The following RBFOX1 variants were observed in gnomAD, a reference collection of about 807,000 sequenced individuals.
RBFOX1 encodes the protein RNA binding protein fox-1 homolog 1.
A neutral mutation model predicts 57.7 loss-of-function variants in RBFOX1; 8 were observed. That is an observed-to-expected ratio of 0.14 (90% CI 0.08 to 0.25). The LOEUF (loss-of-function observed/expected upper bound fraction) is 0.25, where lower values mean the gene tolerates loss of function less well. Among genes scored for constraint, RBFOX1 ranks in the 10% least tolerant of loss-of-function variants. The pLI, the probability that RBFOX1 is intolerant of heterozygous loss-of-function variation, is 1.00. For synonymous variants in RBFOX1, 326 were observed against 222.4 expected (o/e 1.47, Z -4.15); for missense variants, 611 against 548.5 (o/e 1.11, Z -1.14).
intron 4 of RBFOX1, among the ~76,000 whole-genome samples, chr16:6,012,553 T>C (rs1217965117): frequency 6.6e-6 from 1 of 152,224 alleles, no homozygotes; most frequent in African/African-American, 2.4e-5. Context: ...AAGGGTTATT[T>C]GGCTCAAAAT....
rs149172933 is a variant in RBFOX1 at position 7,324,622 on chromosome 16, C to T, written c.28-193525C>T. On this transcript the variant is annotated intron_variant, in intron 4 of 15. Transcript: ENST00000550418. ...AGATTTGCTCATTCAGCCAGTCAGT[C>T]TGGCTTTCAGAGGAGAATCAGGTCA... 1.7e-3 allele frequency among the ~76,000 whole-genome samples: 260 copies of T among 152,332 alleles called. 1 individual carries two copies. The highest frequency in any genetic ancestry group is 0.015 in the East Asian group (76 of 5,182).
chr16:6,226,920 C>T (rs1459415628), intron 1 of RBFOX1, among the ~76,000 whole-genome samples: 1 of 148,278 alleles, frequency 6.7e-6, no homozygotes, highest in South Asian at 2.1e-4. Context: ...ACCAGCCCGG[C>T]CAACATGATG....
chr16:6,496,929 C>T (rs2095787293), intron 2 of RBFOX1, among the ~76,000 whole-genome samples: 1 of 152,098 alleles, frequency 6.6e-6, no homozygotes, highest in South Asian at 2.1e-4. Context: ...CATTGCACTC[C>T]AGCCTGGGCA....
At chr16:5,780,741 T>C (rs7192968) in intron 3 of RBFOX1, among the ~76,000 whole-genome samples, 46,585 of 152,044 alleles carry the variant, frequency 0.31, 7,581 homozygotes, top group East Asian at 0.55. Context: ...GTCACTTGAG[T>C]ACAAGATGTA....
chr16:7,301,038 C>G (rs2096017671), intron 4 of RBFOX1, among the ~76,000 whole-genome samples: 1 of 89,670 alleles, frequency 1.1e-5, no homozygotes, highest in Non-Finnish European at 2.7e-5. Flanking sequence ...AGAATCATGC[C>G]AGAGCTAGTG....
intron 1 of RBFOX1, among the ~76,000 whole-genome samples, chr16:6,118,782 T>C (rs1327913015): frequency 2.0e-5 from 3 of 147,692 alleles, no homozygotes; most frequent in Non-Finnish European, 4.4e-5. Context: ...TCTTTCTCCC[T>C]CTCTTTCTCT....
intron 2 of RBFOX1, among the ~76,000 whole-genome samples, chr16:5,577,326 C>T (rs756507133): frequency 5.3e-5 from 8 of 152,196 alleles, no homozygotes; most frequent in Non-Finnish European, 1.2e-4. Context: ...GCTCTTCCTT[C>T]AGTTTGTGGG....
At chr16:5,583,826 C>G (rs886271304) in intron 2 of RBFOX1, among the ~76,000 whole-genome samples, 1 of 152,174 alleles carries the variant, frequency 6.6e-6, no homozygotes, top group Non-Finnish European at 1.5e-5. Flanking sequence ...TATAAGTCTG[C>G]TGAAATAAAC....
At chr16:7,573,769 A>T (rs1254177402) in intron 5 of RBFOX1, among the ~76,000 whole-genome samples, 1 of 151,876 alleles carries the variant, frequency 6.6e-6, no homozygotes, top group Non-Finnish European at 1.5e-5. Context: ...CGGGAGGCAG[A>T]GGTTGCAGTG....
intron 4 of RBFOX1, among the ~76,000 whole-genome samples, chr16:7,261,053 G>A (rs1371644257): frequency 6.6e-6 from 1 of 152,136 alleles, no homozygotes; most frequent in Non-Finnish European, 1.5e-5. Context: ...GACTCCACCT[G>A]AAAAATGGCC....
rs183393665 is a variant in RBFOX1 at position 7,590,280 on chromosome 16, A to G, written c.468+2980A>G. On this transcript the variant is annotated intron_variant, in intron 7 of 15. Coordinates refer to ENST00000550418, the MANE Select transcript of RBFOX1 (RefSeq NM_018723.4). ...AGTCCTTATCTCAGAACAAGTATCT[A>G]TATTACTTTGGAATATAGATCCAGT... Among the ~76,000 whole-genome samples, 617 of 152,130 alleles carry G rather than the reference A, an allele frequency of 4.1e-3. 3 individuals carry two copies. The highest frequency in any genetic ancestry group is 6.8e-3 in the Middle Eastern group (2 of 294).
At chr16:5,455,578 C>G (rs547659918) in intron 1 of RBFOX1, among the ~76,000 whole-genome samples, 1 of 152,314 alleles carries the variant, frequency 6.6e-6, no homozygotes, top group African/African-American at 2.4e-5. Context: ...TTTCAGTATG[C>G]CTTTTTTCTC....
At chr16:5,783,337 C>A (rs2054389365) in intron 3 of RBFOX1, among the ~76,000 whole-genome samples, 1 of 152,122 alleles carries the variant, frequency 6.6e-6, no homozygotes, top group Non-Finnish European at 1.5e-5. Context: ...CTAGTTTGTA[C>A]CAATCTGTGG....
At chr16:7,366,114 G>A (rs1168039692) in intron 4 of RBFOX1, among the ~76,000 whole-genome samples, 1 of 150,752 alleles carries the variant, frequency 6.6e-6, no homozygotes, top group African/African-American at 2.4e-5. Context: ...GCTGGGTCAT[G>A]TGGCACAGAC....
At chr16:6,223,724 T>C (rs2152885991) in intron 1 of RBFOX1, among the ~76,000 whole-genome samples, 1 of 152,354 alleles carries the variant, frequency 6.6e-6, no homozygotes, top group Non-Finnish European at 1.5e-5. Context: ...CATTTGTCAA[T>C]TTTGGCTTTT....
chr16:6,717,712 G>C (rs528697412), intron 3 of RBFOX1, among the ~76,000 whole-genome samples: 1 of 151,984 alleles, frequency 6.6e-6, no homozygotes, highest in South Asian at 2.1e-4. Flanking sequence ...CAGTCACATT[G>C]TTTGGTTATT....
At chr16:5,370,131 T>C (rs1298039891) in intron 1 of RBFOX1, among the ~76,000 whole-genome samples, 1 of 152,182 alleles carries the variant, frequency 6.6e-6, no homozygotes, top group Non-Finnish European at 1.5e-5. Context: ...CTCTTGTGCA[T>C]GTTCAGTCTC....
intron 3 of RBFOX1, among the ~76,000 whole-genome samples, chr16:6,971,690 G>T (rs963876152): frequency 6.6e-6 from 1 of 152,134 alleles, no homozygotes; most frequent in Non-Finnish European, 1.5e-5. Flanking sequence ...GATGACTGTT[G>T]TTGGGGTTAG....
intron 4 of RBFOX1, among the ~76,000 whole-genome samples, chr16:5,956,672 A>ATTTT (rs1309859075): frequency 1.0e-3 from 82 of 78,370 alleles, no homozygotes; most frequent in East Asian, 4.4e-3. Context: ...ATATATATAT[A>ATTTT]TATATATTTT....
Sources: gnomAD v4.1 joint callset for allele counts (sites outside exome capture counted in the v4.1 genomes callset) on GRCh38, gnomAD v4.1.1 for gene constraint, MANE v1.5 for transcripts, NCBI Gene and HGNC (gene_info 2026-07-23, HGNC 2026-07-21) for gene names.